Variants in SELENBP1 observed in about 807,000 individuals in gnomAD.
The protein encoded by SELENBP1 is selenium binding protein 1, also known as methanethiol oxidase.
A neutral mutation model predicts 61.0 loss-of-function variants in SELENBP1; 71 were observed. That is an observed-to-expected ratio of 1.16 (90% confidence interval 0.96 to 1.42). The LOEUF is 1.42. Ranked by LOEUF, SELENBP1 falls within the 40% of genes most tolerant of loss-of-function variation. SELENBP1 has a pLI of 0.00. For synonymous variants in SELENBP1, 270 were observed against 238.9 expected (o/e 1.13, Z -1.20); for missense variants, 561 against 605.0 (o/e 0.93, Z 0.76).
At chr1:151,370,184 T>G in intron 1 of SELENBP1, 1 of 451,008 alleles carries the variant, frequency 2.2e-6, no homozygotes, top group Non-Finnish European at 4.1e-6. Flanking sequence ...GGTAAGAATT[T>G]CACAGTGGGC....
intron 7 of SELENBP1, 39 bp from the exon 8 acceptor site, chr1:151,365,885 A>G: frequency 3.7e-6 from 6 of 1,605,578 alleles, no homozygotes; most frequent in Non-Finnish European, 5.1e-6. Flanking sequence ...GCTGGCAGAG[A>G]GGTCAGCCTA....
intron 1 of SELENBP1, 114 bp from the exon 2 acceptor site, chr1:151,369,883 C>A (rs949926094): frequency 6.4e-7 from 1 of 1,550,484 alleles, no homozygotes; most frequent in East Asian, 2.4e-5. Flanking sequence ...TGGCCTAGGT[C>A]CCCACTCCAG....
chr1:151,368,935 C>T lies in SELENBP1; in HGVS notation c.360+69G>A, dbSNP rs775760696. 1,060 of 1,504,942 alleles carry T rather than the reference C, an allele frequency of 7.0e-4. 14 individuals carry two copies. The highest frequency in any genetic ancestry group is 7.1e-4 in the Middle Eastern group (4 of 5,612). 93.2% of individuals were successfully genotyped at this position (1,504,942 alleles called of 1,614,324 possible). A position where few individuals can be genotyped will look rare whatever the true frequency, so the allele number is the denominator to read the frequency against. On this transcript the variant is annotated intron_variant, in intron 4 of 11. Transcript: ENST00000368868. Reference sequence around the variant, plus strand: ...AGGCTGCTGGTTTAGGTCTGGCTTCCTGCCCGTAGACTACCTGGGGTGGCA... The same window carrying T: ...AGGCTGCTGGTTTAGGTCTGGCTTCTTGCCCGTAGACTACCTGGGGTGGCA...
chr1:151,372,608 C>A, intron 1 of SELENBP1, 30 bp downstream of exon 1: 1 of 1,614,104 alleles, frequency 6.2e-7, no homozygotes, highest in East Asian at 2.2e-5. Context: ...ACAGAGCAGG[C>A]AATGGGTGAT....
chr1:151,369,657 A>T, intron 2 of SELENBP1, 56 bp downstream of exon 2: 1 of 1,544,650 alleles, frequency 6.5e-7, no homozygotes, highest in South Asian at 1.2e-5. Flanking sequence ...AAGTCCCTCC[A>T]CCCCCAGCTG....
chr1:151,367,629 C>T (rs1299432621), intron 5 of SELENBP1, among the ~76,000 whole-genome samples: 1 of 152,142 alleles, frequency 6.6e-6, no homozygotes, highest in African/African-American at 2.4e-5. Flanking sequence ...ATTCTGCTCA[C>T]TACATTTTTT....
rs753649664 is a variant in SELENBP1 at position 151,364,493 on chromosome 1, C to A, written c.*50G>T. 7 of 1,611,398 alleles carry A rather than the reference C, an allele frequency of 4.3e-6. No homozygotes were observed. In the South Asian group the frequency reaches 4.4e-5, roughly 10 times the overall value. The stretch of plus-strand genomic sequence containing the variant: ...GAGAGAGCAGAATGAAGCCAGGTCC[C>A]CAAGGAAGTGAGGGCCCAAAATAGG... On this transcript the variant is annotated 3_prime_UTR_variant, in exon 12 of 12. Transcript: ENST00000368868.
At position 151,364,447 on chromosome 1, in the gene SELENBP1, C is replaced by A; in HGVS notation, c.*96G>T. 6.8e-7 allele frequency: 1 copy of A among 1,469,348 alleles called. No homozygotes were observed. The highest frequency in any genetic ancestry group is 9.5e-7 in the Non-Finnish European group (1 of 1,057,070). 91.0% of individuals were successfully genotyped at this position (1,469,348 alleles called of 1,614,324 possible). On this transcript the variant is annotated 3_prime_UTR_variant, in exon 12 of 12. Coordinates refer to ENST00000368868, the MANE Select transcript of SELENBP1 (RefSeq NM_003944.4). ...TCTCAGCTTGGCTGTGTGGTACATGCTGCCAAGGGTCGGGTGCCAAGAGAG... is the reference window on the plus strand; with the variant it reads ...TCTCAGCTTGGCTGTGTGGTACATGATGCCAAGGGTCGGGTGCCAAGAGAG...
Position 151,366,839 on chromosome 1 carries a change from CA to C in SELENBP1, c.546del (p.Ala183LeufsTer17). On this transcript the variant is annotated frameshift_variant, in exon 6 of 12. Transcript: ENST00000368868. LOFTEE classifies it high-confidence loss of function. Reference sequence around the variant, plus strand: ...CAGAAGTCATAGCCCAACGGTGCAGCACCCCCAGGTCTCTCCCATGTCCCCT... The same window carrying C: ...CAGAAGTCATAGCCCAACGGTGCAGCCCCCCAGGTCTCTCCCATGTCCCCT... ...EVKGTWERPGGAAPLGYDFWY... is the reference protein window; with the variant it reads ...EVKGTWERPGXAAPLGYDFWY... 6.2e-7 allele frequency: 1 copy of C among 1,614,148 alleles called. No individual in the cohort carries two copies.
At chr1:151,368,438 C>T (rs1651970590) in intron 4 of SELENBP1, 119 bp from the exon 5 acceptor site, 2 of 1,343,862 alleles carry the variant, frequency 1.5e-6, no homozygotes, top group African/African-American at 2.9e-5. Flanking sequence ...AAAACATGGA[C>T]ACAACTCTCC....
At position 151,369,506 on chromosome 1, in the gene SELENBP1, C is replaced by T. The variant is rs1652037926; in HGVS notation, c.110G>A (p.Gly37Asp). The change falls in exon 3 of 12, where the codon GGC (glycine) becomes GAC (aspartate). Residue 37 changes from glycine (G) to aspartate (D), a missense_variant. By Grantham distance (94) the Gly-to-Asp change is moderately conservative (BLOSUM62 -1). Transcript: ENST00000368868. ...GGCCAGATAATCTGGGGCCTCAGTG[C>T]CTGTGTTTCGGTAAATGCAGGGCAG... The part of the protein sequence containing the change: ...VYLPCIYRNT[G>D]TEAPDYLATV... 1.9e-6 allele frequency: 3 copies of T among 1,612,356 alleles called. No individual in the cohort carries two copies. The highest frequency in any genetic ancestry group is 2.5e-6 in the Non-Finnish European group (3 of 1,179,432).
Position 151,365,842 on chromosome 1 carries a change from C to T in SELENBP1, c.848G>A (p.Gly283Asp). The change falls in exon 8 of 12, where the codon GGT (glycine) becomes GAT (aspartate). Residue 283 changes from glycine to aspartate, a missense_variant. Transcript: ENST00000368868. ...GATCACCTTCTCCACTGACCATGTA[C>T]CTCCCTACATTGAGGGGTGGAGGGT... ...TIQRFYKNEG[G>D]TWSVEKVIQV... 1.9e-6 allele frequency: 3 copies of T among 1,614,096 alleles called. No homozygotes were observed. The highest frequency in any genetic ancestry group is 1.1e-5 in the South Asian group (1 of 91,070).
chr1:151,369,581 G>T, intron 2 of SELENBP1, 27 bp from the exon 3 acceptor site: 1 of 1,583,540 alleles, frequency 6.3e-7, no homozygotes, highest in Non-Finnish European at 8.6e-7. Flanking sequence ...AGGCAGCAGG[G>T]ACGGCAGGGT....
At chr1:151,364,782 C>A in intron 11 of SELENBP1, 77 bp from the exon 12 acceptor site, 1 of 1,521,110 alleles carries the variant, frequency 6.6e-7, no homozygotes, top group East Asian at 2.3e-5. Context: ...GGGGAAAGCT[C>A]CTGAGGAAGG....
At chr1:151,365,082 C>A (rs1286341726) in intron 10 of SELENBP1, 38 bp from the exon 11 acceptor site, 1 of 1,591,198 alleles carries the variant, frequency 6.3e-7, no homozygotes, top group Non-Finnish European at 8.6e-7. Context: ...GGGTAACACA[C>A]AGATCCTAGG....
intron 4 of SELENBP1, 100 bp from the exon 5 acceptor site, chr1:151,368,419 T>G (rs1651970096): frequency 6.7e-7 from 1 of 1,486,308 alleles, no homozygotes; most frequent in African/African-American, 1.4e-5. Context: ...CTCTGTCATC[T>G]TTTCCTTCAA....
intron 9 of SELENBP1, 76 bp from the exon 10 acceptor site, chr1:151,365,357 G>A: frequency 1.3e-6 from 2 of 1,508,062 alleles, no homozygotes; most frequent in Non-Finnish European, 9.2e-7. Context: ...AGCTTGCCTG[G>A]CTGGAACCCC....
Position 151,365,205 on chromosome 1 carries a change from T to G in SELENBP1, c.1121A>C (p.Glu374Ala). 1 of 1,613,900 alleles carries G rather than the reference T, an allele frequency of 6.2e-7. No homozygotes were observed. The highest frequency in any genetic ancestry group is 8.5e-7 in the Non-Finnish European group (1 of 1,179,890). The change falls in exon 10 of 12, where the codon GAG (glutamate) becomes GCG (alanine). Residue 374 changes from glutamate (E) to alanine (A), a missense_variant. Transcript: ENST00000368868. ...LEDEELKSQP[E>A]PLVVKGKRVA... ...GGCTCTTACCTTGACCACTAGGGGC[T>G]CTGGCTGGGACTTTAGTTCCTCGTC...
Position 151,366,591 on chromosome 1 carries a change from TGC to T in SELENBP1, c.664+129_664+130del, listed in dbSNP as rs1423125867. ...GGAAGACGCTTGAGCAATCTGAGCATGCGGTACATCCTATGCCATCTCTCTTA... is the reference window on the plus strand; with the variant it reads ...GGAAGACGCTTGAGCAATCTGAGCATGGTACATCCTATGCCATCTCTCTTA... On this transcript the variant is annotated intron_variant, in intron 6 of 11. Transcript: ENST00000368868. 2.9e-6 allele frequency: 4 copies of T among 1,389,686 alleles called. No homozygotes were observed. In the Admixed American group the frequency reaches 7.3e-5, roughly 26 times the overall value. 86.1% of individuals were successfully genotyped at this position (1,389,686 alleles called of 1,614,324 possible).
Sources: gnomAD v4.1 joint callset for allele counts (sites outside exome capture counted in the v4.1 genomes callset) on GRCh38, gnomAD v4.1.1 for gene constraint, MANE v1.5 for transcripts, NCBI Gene and HGNC (gene_info 2026-07-23, HGNC 2026-07-21) for gene names.